The following SLC29A3 variants were observed in gnomAD, a reference collection of about 807,000 sequenced individuals.
The protein encoded by SLC29A3 is equilibrative nucleoside transporter 3.
A neutral mutation model predicts 25.4 loss-of-function variants in SLC29A3; 18 were observed. The observed-to-expected ratio is 0.71, with a 90% confidence interval of 0.49 to 1.05. SLC29A3 has a LOEUF of 1.05. Ranked by LOEUF, SLC29A3 falls within the 50% of genes least tolerant of loss-of-function variation. The pLI, the probability that SLC29A3 is intolerant of heterozygous loss-of-function variation, is 0.00. For synonymous variants in SLC29A3, 258 were observed against 267.1 expected (o/e 0.97, Z 0.33); for missense variants, 586 against 609.0 (o/e 0.96, Z 0.40).
intron 4 of SLC29A3, among the ~76,000 whole-genome samples, chr10:71,354,172 T>C (rs1846835513): frequency 6.6e-6 from 1 of 152,226 alleles, no homozygotes. Flanking sequence ...TTGGCACTTC[T>C]CCGCACCAGG....
intron 4 of SLC29A3, among the ~76,000 whole-genome samples, 159 bp from the exon 5 acceptor site, chr10:71,355,922 C>T (rs1271569096): frequency 1.3e-5 from 2 of 152,186 alleles, no homozygotes; most frequent in African/African-American, 4.8e-5. Context: ...GCTGCTGGGC[C>T]CTCCCTGTCT....
At chr10:71,325,600 CTG>C (rs909977580) in intron 2 of SLC29A3, among the ~76,000 whole-genome samples, 4 of 152,170 alleles carry the variant, frequency 2.6e-5, no homozygotes, top group Admixed American at 2.0e-4. Context: ...TTTCTGTTAA[CTG>C]AGGAATTCAC....
rs1564538152 is a variant in SLC29A3, at chr10:71,351,787, A to G, written c.609A>G (p.Ser203=). The G allele has an allele frequency of 1.9e-6, 3 of 1,609,988 alleles. No homozygotes were observed. Among genetic ancestry groups the G allele is most frequent in the East Asian group, 2.2e-5 (1 of 44,822 alleles). Residue 203 remains serine (S), a splice_region_variant and synonymous_variant, in exon 4 of 6, where the codon TCA becomes TCG. Transcript: ENST00000373189. ...TGAGGAACTCCCAGGCACTGATATC[A>G]GGTGAGAGCCAGGGTCCGGGCAGCT... The part of the protein sequence containing the change: ...FPMRNSQALI[S]GGAMGGTVSA...
chr10:71,349,640 G>T (rs1846697068), intron 3 of SLC29A3, among the ~76,000 whole-genome samples: 2 of 151,980 alleles, frequency 1.3e-5, no homozygotes. Flanking sequence ...GTTCTCCCAG[G>T]GAACATTGTG....
At chr10:71,323,150 C>T in intron 2 of SLC29A3, 96 bp downstream of exon 2, 1 of 1,479,064 alleles carries the variant, frequency 6.8e-7, no homozygotes, top group Admixed American at 1.8e-5. Context: ...ACATTTCCAG[C>T]CTTTAGATCA....
intron 2 of SLC29A3, among the ~76,000 whole-genome samples, chr10:71,342,696 C>T (rs550424758): frequency 6.6e-5 from 10 of 152,354 alleles, no homozygotes; most frequent in African/African-American, 2.2e-4. Context: ...TCCTCCCAGC[C>T]TCAGAGGCCC....
downstream of SLC29A3, chr10:71,366,477 C>G (rs1847171575): frequency 6.6e-6 from 1 of 152,234 alleles, no homozygotes; most frequent in African/African-American, 2.4e-5. Context: ...CCACCATGCC[C>G]AACCATTTTT....
intron 4 of SLC29A3, chr10:71,379,749 T>A (rs1847288861): frequency 6.6e-6 from 1 of 152,206 alleles, no homozygotes; most frequent in African/African-American, 2.4e-5. Context: ...TTCTTATCAT[T>A]TTGTCTTTTG....
At chr10:71,331,854 T>C (rs1421780341) in intron 2 of SLC29A3, among the ~76,000 whole-genome samples, 1 of 152,188 alleles carries the variant, frequency 6.6e-6, no homozygotes, top group African/African-American at 2.4e-5. Context: ...CAGCCCAGGG[T>C]ACCTGAATCA....
intron 4 of SLC29A3, among the ~76,000 whole-genome samples, chr10:71,354,322 A>G (rs1240029289): frequency 6.6e-6 from 1 of 152,224 alleles, no homozygotes; most frequent in Non-Finnish European, 1.5e-5. Context: ...AAGGTCACAC[A>G]ACTAGAAGAA....
At chr10:71,360,068 C>G (rs143020750) in intron 5 of SLC29A3, among the ~76,000 whole-genome samples, 1 of 151,772 alleles carries the variant, frequency 6.6e-6, no homozygotes, top group African/African-American at 2.4e-5. Context: ...AGGGCTACTC[C>G]GTGCCTGAAG....
chr10:71,370,641 C>T (rs1234124539), intron 3 of SLC29A3, among the ~76,000 whole-genome samples: 1 of 152,112 alleles, frequency 6.6e-6, no homozygotes, highest in Non-Finnish European at 1.5e-5. Context: ...CTCAAGTGAT[C>T]CTCCCACCTC....
intron 2 of SLC29A3, among the ~76,000 whole-genome samples, chr10:71,335,211 C>T (rs1846216199): frequency 6.6e-6 from 1 of 152,188 alleles, no homozygotes; most frequent in African/African-American, 2.4e-5. Flanking sequence ...GCCCCCCATA[C>T]TGTTTGGCGT....
In SLC29A3 at chr10:71,362,528, G is replaced by A; in HGVS notation, c.1348G>A (p.Gly450Arg). Residue 450 changes from glycine to arginine, a missense_variant, in exon 6 of 6, where the codon GGA (glycine) becomes AGA (arginine). Transcript: ENST00000373189. ...GCCCAGGGAGCTGGCTGAGGCCACG[G>A]GAGTGGTGATGTCCTTTTATGTGTG... ...IVPRELAEAT[G>R]VVMSFYVCLG... The A allele has an allele frequency of 6.2e-7, 1 of 1,614,192 alleles. No homozygotes were observed. Among genetic ancestry groups the A allele is most frequent in the Non-Finnish European group, 8.5e-7 (1 of 1,180,036 alleles).
intron 4 of SLC29A3, among the ~76,000 whole-genome samples, chr10:71,355,539 G>A (rs1428961746): frequency 6.6e-6 from 1 of 152,212 alleles, no homozygotes; most frequent in Non-Finnish European, 1.5e-5. Flanking sequence ...GCTCATGGGT[G>A]GGCAATGGTG....
At chr10:71,351,481 T>C in intron 3 of SLC29A3, 81 bp from the exon 4 acceptor site, 3 of 1,271,290 alleles carry the variant, frequency 2.4e-6, no homozygotes, top group Non-Finnish European at 3.4e-6. Flanking sequence ...CTCGCCTGCT[T>C]CCCTTAAGGT....
At chr10:71,379,923 GGTCCATCCCTATA>G (rs1479299456) in exon 5 of SLC29A3, 1 of 152,108 alleles carries the variant, frequency 6.6e-6, no homozygotes, top group Admixed American at 6.6e-5. Flanking sequence ...ACTCCCTCAA[GGTCCATCCCTATA>G]CCCTCCAGCC....
rs927971529 is a variant in SLC29A3, at chr10:71,331,459, G to A, written c.300+8405G>A. On this transcript the variant is annotated intron_variant, in intron 2 of 5. Transcript: ENST00000373189. ...GAGACATAGCAGGCAGTTTGTGTGT[G>A]GAAGCAAATGATCCAGCAGAGAAGG... Among the ~76,000 whole-genome samples the A allele has an allele frequency of 5.3e-5, 8 of 152,254 alleles. No individual in the cohort carries two copies. The South Asian group carries it at 1.2e-3, about 24-fold the overall frequency.
At chr10:71,349,397 C>T (rs1846685921) in intron 3 of SLC29A3, among the ~76,000 whole-genome samples, 1 of 152,124 alleles carries the variant, frequency 6.6e-6, no homozygotes, top group Non-Finnish European at 1.5e-5. Flanking sequence ...GCCAGCAGCC[C>T]CAGACACAGT....
Sources: gnomAD v4.1 joint callset for allele counts (sites outside exome capture counted in the v4.1 genomes callset) on GRCh38, gnomAD v4.1.1 for gene constraint, MANE v1.5 for transcripts, NCBI Gene and HGNC (gene_info 2026-07-23, HGNC 2026-07-21) for gene names.